Variants in ELP1 observed in about 807,000 individuals in gnomAD.
The protein encoded by ELP1 is elongator acetyltransferase complex subunit 1, also known as elongator complex protein 1.
In ELP1, 131 loss-of-function variants were observed where a neutral mutation model predicts 183.2. That is an observed-to-expected ratio of 0.72 (90% CI 0.62 to 0.83). ELP1 has a LOEUF of 0.83. Among genes scored for constraint, ELP1 ranks in the 40% least tolerant of loss-of-function variants. ELP1 has a pLI of 0.00. For missense variants in ELP1, 1,550 were observed against 1,594.9 expected, an observed-to-expected ratio of 0.97 and a Z score of 0.48; for synonymous variants, 555 against 569.0, an observed-to-expected ratio of 0.98 and a Z score of 0.35.
chr9:108,879,802 T>G (rs1453087670), intron 32 of ELP1, among the ~76,000 whole-genome samples: 1 of 152,202 alleles, frequency 6.6e-6, no homozygotes, highest in Non-Finnish European at 1.5e-5. Flanking sequence ...ACGGAAGTGG[T>G]CAGCTGCTCT....
chr9:108,914,279 G>C (rs1829345771), intron 10 of ELP1, among the ~76,000 whole-genome samples: 2 of 151,250 alleles, frequency 1.3e-5, no homozygotes, highest in South Asian at 4.2e-4. Flanking sequence ...GGCGCCTGTA[G>C]ACCCAGCTAC....
chr9:108,896,894 C>T, intron 24 of ELP1, 59 bp downstream of exon 24: 8 of 1,412,826 alleles, frequency 5.7e-6, no homozygotes, highest in Admixed American at 1.7e-5. Flanking sequence ...TTGTCACCTG[C>T]AGAAGACTAG....
chr9:108,906,799 C>T (rs1030191433), intron 13 of ELP1, among the ~76,000 whole-genome samples: 7 of 152,202 alleles, frequency 4.6e-5, no homozygotes, highest in Non-Finnish European at 1.5e-5. Flanking sequence ...CAGAGCTTTT[C>T]CACTGCCATG....
At chr9:108,880,670 C>A (rs1472403767) in intron 31 of ELP1, among the ~76,000 whole-genome samples, 1 of 152,078 alleles carries the variant, frequency 6.6e-6, no homozygotes, top group Non-Finnish European at 1.5e-5. Flanking sequence ...ATACTACTAT[C>A]CAAGGATGCA....
chr9:108,927,633 C>T (rs1222461945), intron 3 of ELP1, among the ~76,000 whole-genome samples, 180 bp from the exon 4 acceptor site: 6 of 152,270 alleles, frequency 3.9e-5, no homozygotes, highest in Admixed American at 1.3e-4. Context: ...TGGAAGCAAC[C>T]TAAGTGTCCA....
intron 8 of ELP1, among the ~76,000 whole-genome samples, 195 bp from the exon 9 acceptor site, chr9:108,917,865 A>G (rs1336276200): frequency 6.6e-6 from 1 of 152,232 alleles, no homozygotes; most frequent in Non-Finnish European, 1.5e-5. Flanking sequence ...GTGGGACTGT[A>G]CTTGCCCAGA....
chr9:108,912,961 C>T (rs1229671633), intron 10 of ELP1, among the ~76,000 whole-genome samples: 2 of 151,620 alleles, frequency 1.3e-5, no homozygotes, highest in Non-Finnish European at 2.9e-5. Flanking sequence ...ATGGTTTCAC[C>T]GTGTTAGCCA....
At position 108,922,935 on chromosome 9, in the gene ELP1, A is replaced by G; in HGVS notation, c.467-8T>C. 6.3e-7 allele frequency: 1 copy of G among 1,599,436 alleles called. No individual in the cohort carries two copies. The highest frequency in any genetic ancestry group is 1.1e-5 in the South Asian group (1 of 90,828). On this transcript the variant is annotated splice_region_variant and splice_polypyrimidine_tract_variant and intron_variant, in intron 5 of 36. Transcript: ENST00000374647. Reference sequence around the variant, plus strand: ...CAACAGTGATAAACTTGCCTACAGAACAATTGGCAAGACAACTAATAAGCC... The same window carrying G: ...CAACAGTGATAAACTTGCCTACAGAGCAATTGGCAAGACAACTAATAAGCC...
chr9:108,929,105 T>C (rs374701368), intron 3 of ELP1, among the ~76,000 whole-genome samples: 11 of 152,270 alleles, frequency 7.2e-5, no homozygotes, highest in African/African-American at 2.7e-4. Flanking sequence ...ATCATTATCC[T>C]ACTATTAGTA....
At chr9:108,895,696 AT>A (rs1307281482) in intron 25 of ELP1, among the ~76,000 whole-genome samples, 1 of 152,188 alleles carries the variant, frequency 6.6e-6, no homozygotes, top group Non-Finnish European at 1.5e-5. Flanking sequence ...TCCGATTTTC[AT>A]TTTTGGAGAG....
chr9:108,928,250 G>A (rs1266505504), intron 3 of ELP1, among the ~76,000 whole-genome samples: 1 of 152,154 alleles, frequency 6.6e-6, no homozygotes, highest in Admixed American at 6.5e-5. Flanking sequence ...GATATCAAGA[G>A]AATAGACCTG....
chr9:108,906,604 G>T, intron 13 of ELP1, 119 bp from the exon 14 acceptor site: 1 of 780,708 alleles, frequency 1.3e-6, no homozygotes, highest in Non-Finnish European at 2.2e-6. Context: ...TTATTTGGAG[G>T]GACAAAACCT....
intron 1 of ELP1, among the ~76,000 whole-genome samples, 180 bp downstream of exon 1, chr9:108,933,684 C>G (rs1830075457): frequency 6.6e-6 from 1 of 152,238 alleles, no homozygotes; most frequent in African/African-American, 2.4e-5. Context: ...CCTCCCAGCG[C>G]CCCCGATGGA....
intron 31 of ELP1, among the ~76,000 whole-genome samples, chr9:108,880,624 A>G (rs1049195624): frequency 1.1e-4 from 16 of 152,222 alleles, no homozygotes; most frequent in African/African-American, 3.9e-4. Flanking sequence ...CACAAGAGAA[A>G]AATAACACTA....
chr9:108,876,597 G>T (rs564889168), intron 35 of ELP1, among the ~76,000 whole-genome samples: 1 of 152,188 alleles, frequency 6.6e-6, no homozygotes, highest in South Asian at 2.1e-4. Flanking sequence ...TGTGGTGCTG[G>T]GGCTGGGCAC....
At chr9:108,886,495 AC>A (rs1828127584) in intron 29 of ELP1, among the ~76,000 whole-genome samples, 1 of 152,212 alleles carries the variant, frequency 6.6e-6, no homozygotes, top group Non-Finnish European at 1.5e-5. Flanking sequence ...GTGGGGTTGA[AC>A]CCAGAGATGC....
intron 31 of ELP1, among the ~76,000 whole-genome samples, chr9:108,881,212 A>G (rs1043088825): frequency 6.6e-6 from 1 of 152,204 alleles, no homozygotes; most frequent in Non-Finnish European, 1.5e-5. Flanking sequence ...TGATTTACCA[A>G]TTACTAACAT....
chr9:108,914,123 C>T (rs866905251), intron 10 of ELP1, among the ~76,000 whole-genome samples: 5 of 151,952 alleles, frequency 3.3e-5, no homozygotes, highest in Admixed American at 6.5e-5. Context: ...CTACTGAGGC[C>T]GGGCACGGTG....
At chr9:108,915,561 GCCTGCCAA>G (rs1355326890) in intron 10 of ELP1, among the ~76,000 whole-genome samples, 1 of 152,054 alleles carries the variant, frequency 6.6e-6, no homozygotes, top group Non-Finnish European at 1.5e-5. Context: ...TGAATTTCCA[GCCTGCCAA>G]CCTGCCCCCA....
Sources: allele counts gnomAD v4.1 joint callset (sites outside exome capture counted in the v4.1 genomes callset), GRCh38; gene constraint gnomAD v4.1.1; transcripts MANE v1.5; gene names NCBI Gene and HGNC (gene_info 2026-07-23, HGNC 2026-07-21).